Variants in PTGS1 observed in about 807,000 individuals in gnomAD.
The protein encoded by PTGS1 is prostaglandin-endoperoxide synthase 1.
In PTGS1, 40 loss-of-function variants were observed where a neutral mutation model predicts 63.0. That is an observed-to-expected ratio of 0.63 (90% CI 0.49 to 0.83). The LOEUF (loss-of-function observed/expected upper bound fraction) is 0.83. Ranked by LOEUF, PTGS1 falls within the 40% of genes least tolerant of loss-of-function variation. The pLI is 0.00. For missense variants in PTGS1, 709 were observed against 786.5 expected, an observed-to-expected ratio of 0.90 and a Z score of 1.18; for synonymous variants, 298 against 301.9, an observed-to-expected ratio of 0.99 and a Z score of 0.13.
chr9:122,378,918 G>A lies in PTGS1; in HGVS notation c.496G>A (p.Gly166Arg). The A allele has an allele frequency of 2.5e-6, 4 of 1,614,150 alleles. No individual in the cohort carries two copies. Among genetic ancestry groups the A allele is most frequent in the Non-Finnish European group, 3.4e-6 (4 of 1,179,998 alleles). Reference sequence around the variant, plus strand: ...TTGCCCCACACCCATGGGAACCAAAGGTAAAATGGGGTGAGGAGCTGGGCC... The same window carrying A: ...TTGCCCCACACCCATGGGAACCAAAAGTAAAATGGGGTGAGGAGCTGGGCC... ...KDCPTPMGTK[G>R]KKQLPDAQLL... The change falls in exon 5 of 11, where the codon GGG (glycine) becomes AGG (arginine). Residue 166 changes from glycine to arginine, a missense_variant and splice_region_variant. By Grantham distance (125) the Gly-to-Arg change is moderately radical (BLOSUM62 -2). Transcript: ENST00000362012.
intron 5 of PTGS1, among the ~76,000 whole-genome samples, 153 bp from the exon 6 acceptor site, chr9:122,381,218 G>A (rs539470868): frequency 1.5e-4 from 23 of 152,312 alleles, no homozygotes; most frequent in Non-Finnish European, 3.1e-4. Flanking sequence ...TCTTTTGGTA[G>A]AGAGTGGGTT....
intron 2 of PTGS1, chr9:122,375,590 T>C: frequency 4.1e-6 from 3 of 728,104 alleles, no homozygotes; most frequent in Non-Finnish European, 5.0e-6. Context: ...GAAGCGGGGG[T>C]CCCTTCTCCT....
rs542613248 is a variant in PTGS1, at chr9:122,376,370, G to A, written c.95-1529G>A. On this transcript the variant is annotated intron_variant, in intron 2 of 10. Transcript: ENST00000362012. ...TGTGTGTGTGTGTGTGTGTGTGTGT[G>A]TGTGTGTGTGTGTGTGTGTATTTGA... Among the ~76,000 whole-genome samples, 1,172 of 142,766 alleles carry A rather than the reference G, an allele frequency of 8.2e-3. 10 individuals carry two copies. The highest frequency in any genetic ancestry group is 0.012 in the Non-Finnish European group (792 of 67,744). The allele number at this position is 142,766 out of a possible 152,430, so 93.7% of individuals were successfully genotyped here.
At chr9:122,374,334 G>C (rs1428091637) in intron 2 of PTGS1, among the ~76,000 whole-genome samples, 1 of 152,132 alleles carries the variant, frequency 6.6e-6, no homozygotes, top group South Asian at 2.1e-4. Context: ...CCTGGACGTC[G>C]AAAGGAAGGC....
At chr9:122,387,081 G>A (rs567892195) in intron 9 of PTGS1, among the ~76,000 whole-genome samples, 4 of 152,092 alleles carry the variant, frequency 2.6e-5, no homozygotes, top group East Asian at 3.9e-4. Context: ...AGAATTCTAA[G>A]AGTATGTTAT....
In PTGS1 at chr9:122,381,399, C is replaced by A. The variant is rs185705486; in HGVS notation, c.525C>A (p.Leu175=). 13 of 1,614,110 alleles carry A rather than the reference C, an allele frequency of 8.1e-6. No homozygotes were observed. The East Asian group carries it at 2.9e-4, about 36-fold the overall frequency. Residue 175 remains leucine (L), a synonymous_variant, in exon 6 of 11, where the codon CTC becomes CTA. Coordinates refer to ENST00000362012, the MANE Select transcript of PTGS1 (RefSeq NM_000962.4). ...AGAAGCAGTTGCCAGATGCCCAGCT[C>A]CTGGCCCGCCGCTTCCTGCTCAGGA... ...KGKKQLPDAQ[L]LARRFLLRRK... is the part of the protein sequence containing the mutation.
chr9:122,388,836 C>T (rs1052078391), intron 9 of PTGS1, among the ~76,000 whole-genome samples: 1 of 152,154 alleles, frequency 6.6e-6, no homozygotes, highest in Admixed American at 6.5e-5. Context: ...GGAGCCCACC[C>T]TAATCCAGTA....
At chr9:122,383,898 C>G in intron 8 of PTGS1, 143 bp downstream of exon 8, 2 of 1,148,362 alleles carry the variant, frequency 1.7e-6, no homozygotes, top group Non-Finnish European at 2.4e-6. Flanking sequence ...GAGCAGGCCC[C>G]TCAACCTCTG....
chr9:122,373,868 T>TC (rs1836955167), intron 2 of PTGS1, among the ~76,000 whole-genome samples: 1 of 151,352 alleles, frequency 6.6e-6, no homozygotes, highest in African/African-American at 2.4e-5. Flanking sequence ...TTTTTTTTTT[T>TC]CTCTCTGGCT....
At position 122,392,573 on chromosome 9, in the gene PTGS1, A is replaced by C; in HGVS notation, c.*29A>C. 1.3e-6 allele frequency: 2 copies of C among 1,588,322 alleles called. No individual in the cohort carries two copies. Among genetic ancestry groups the C allele is most frequent in the South Asian group, 2.3e-5 (2 of 88,220 alleles). On this transcript the variant is annotated 3_prime_UTR_variant, in exon 11 of 11. Coordinates refer to ENST00000362012, the MANE Select transcript of PTGS1 (RefSeq NM_000962.4). ...GCAGGAAAGCAGCATTCTGGAGGGG[A>C]GAGCTTTGTGCTTGTCATTCCAGAG...
In PTGS1 at chr9:122,381,363, C is replaced by A. The variant is rs577767829; in HGVS notation, c.497-8C>A. The A allele has an allele frequency of 1.9e-5, 30 of 1,613,290 alleles. No individual in the cohort carries two copies. The highest frequency in any genetic ancestry group is 2.3e-5 in the Non-Finnish European group (27 of 1,179,648). On this transcript the variant is annotated splice_polypyrimidine_tract_variant and splice_region_variant and intron_variant, in intron 5 of 10. Transcript: ENST00000362012. ...AGAAGCTACTGCTGTTTCCTACCCCCCAACCAGGGAAGAAGCAGTTGCCAG... is the reference window on the plus strand; with the variant it reads ...AGAAGCTACTGCTGTTTCCTACCCCACAACCAGGGAAGAAGCAGTTGCCAG...
rs752592022 is a variant in PTGS1, at chr9:122,390,347, T to G, written c.1444+2T>G. 1 of 1,613,812 alleles carries G rather than the reference T, an allele frequency of 6.2e-7. No homozygotes were observed. Among genetic ancestry groups the G allele is most frequent in the Non-Finnish European group, 8.5e-7 (1 of 1,179,852 alleles). On this transcript the variant is annotated splice_donor_variant, in intron 10 of 10. Coordinates refer to ENST00000362012, the MANE Select transcript of PTGS1 (RefSeq NM_000962.4). LOFTEE classifies it high-confidence loss of function. ...ACACCTCCTTCCAGGAGCTCGTAGG[T>G]GAGCAGCTGTTTCCTGGATGCAGTC...
intron 9 of PTGS1, 70 bp downstream of exon 9, chr9:122,386,802 A>G: frequency 6.4e-7 from 1 of 1,557,040 alleles, no homozygotes; most frequent in Non-Finnish European, 8.7e-7. Flanking sequence ...TCCAAATTCC[A>G]GGTTCTTCTT....
rs1837325818 is a variant in PTGS1, at chr9:122,378,584, G to A, written c.352+11G>A. On this transcript the variant is annotated intron_variant, in intron 4 of 10. Coordinates refer to ENST00000362012, the MANE Select transcript of PTGS1 (RefSeq NM_000962.4). ...GCCTGGTACTCACAGGTGGGTGTGG[G>A]GCAGGGCCCCCTGACCTGGGGGAGC... is the stretch of plus-strand genomic sequence containing the variant. 6.2e-7 allele frequency: 1 copy of A among 1,613,992 alleles called. No individual in the cohort carries two copies. Among genetic ancestry groups the A allele is most frequent in the African/African-American group, 1.3e-5 (1 of 74,922 alleles).
intron 8 of PTGS1, among the ~76,000 whole-genome samples, chr9:122,386,150 G>C (rs1036094398): frequency 6.7e-6 from 1 of 150,008 alleles, no homozygotes; most frequent in Admixed American, 6.6e-5. Flanking sequence ...AAAAAAGAAA[G>C]AAAGAAAGCT....
Position 122,392,287 on chromosome 9 carries a change from T to G in PTGS1, c.1543T>G (p.Ser515Ala). 1 of 1,613,934 alleles carries G rather than the reference T, an allele frequency of 6.2e-7. No homozygotes were observed. The highest frequency in any genetic ancestry group is 1.1e-5 in the South Asian group (1 of 91,074). Residue 515 changes from serine (S) to alanine (A), a missense_variant, in exon 11 of 11, where the codon TCT (serine) becomes GCT (alanine). Coordinates refer to ENST00000362012, the MANE Select transcript of PTGS1 (RefSeq NM_000962.4). ...GLLLEKCHPN[S>A]IFGESMIEIG... ...GCTTCTTGAAAAGTGCCATCCAAACTCTATCTTTGGGGAGAGTATGATAGA... is the reference window on the plus strand; with the variant it reads ...GCTTCTTGAAAAGTGCCATCCAAACGCTATCTTTGGGGAGAGTATGATAGA...
At chr9:122,377,385 G>A (rs1837228468) in intron 2 of PTGS1, among the ~76,000 whole-genome samples, 1 of 152,098 alleles carries the variant, frequency 6.6e-6, no homozygotes, top group African/African-American at 2.4e-5. Flanking sequence ...ATGGAGGAAT[G>A]GTGAGGGATC....
intron 5 of PTGS1, 117 bp downstream of exon 5, chr9:122,379,035 G>A: frequency 2.2e-6 from 3 of 1,378,880 alleles, no homozygotes; most frequent in Non-Finnish European, 3.0e-6. Context: ...CTAGACCAAG[G>A]CAAGACATAT....
chr9:122,383,840 G>T (rs2119159412), intron 8 of PTGS1, 85 bp downstream of exon 8: 3 of 1,539,048 alleles, frequency 1.9e-6, no homozygotes, highest in Non-Finnish European at 2.6e-6. Context: ...TAGAGGTGGA[G>T]GCTGGGATTA....
Sources: gnomAD v4.1 joint callset for allele counts (sites outside exome capture counted in the v4.1 genomes callset) on GRCh38, gnomAD v4.1.1 for gene constraint, MANE v1.5 for transcripts, NCBI Gene and HGNC (gene_info 2026-07-23, HGNC 2026-07-21) for gene names.